The following MCTP2 variants were observed in gnomAD, a reference collection of about 807,000 sequenced individuals.
The protein encoded by MCTP2 is multiple C2 and transmembrane domain containing 2, also known as multiple C2 and transmembrane domain-containing protein 2.
Under a neutral mutation model 111.6 loss-of-function variants are expected in MCTP2, and 132 were observed. That is an observed-to-expected ratio of 1.18 (90% CI 1.03 to 1.37). MCTP2 has a LOEUF of 1.37. Among genes scored for constraint, MCTP2 ranks in the 40% most tolerant of loss-of-function variants. The pLI is 0.00. For synonymous variants in MCTP2, 395 were observed against 387.7 expected (o/e 1.02, Z -0.22); for missense variants, 1,183 against 1,067.9 (o/e 1.11, Z -1.50).
chr15:94,337,659 C>T (rs545001328), intron 4 of MCTP2, among the ~76,000 whole-genome samples: 17 of 136,606 alleles, frequency 1.2e-4, no homozygotes, highest in Admixed American at 8.5e-4. Flanking sequence ...AGAACTGGCC[C>T]GAACACGGTG....
chr15:94,461,024 T>TC (rs142742586), intron 20 of MCTP2, among the ~76,000 whole-genome samples: 1 of 151,580 alleles, frequency 6.6e-6, no homozygotes, highest in African/African-American at 2.4e-5. Context: ...TACTGATGGG[T>TC]TGGGGGGGAC....
chr15:94,464,936 A>G (rs961745853), intron 20 of MCTP2, among the ~76,000 whole-genome samples: 1 of 151,828 alleles, frequency 6.6e-6, no homozygotes, highest in Non-Finnish European at 1.5e-5. Context: ...CATTGGATAC[A>G]TTGTTCTCTA....
intron 17 of MCTP2, among the ~76,000 whole-genome samples, chr15:94,438,898 C>G (rs773937156): frequency 2.6e-5 from 4 of 151,910 alleles, no homozygotes; most frequent in Non-Finnish European, 4.4e-5. Flanking sequence ...TCCTTCTGAA[C>G]AGTTTAACAA....
rs1348510856 is a variant in MCTP2, at chr15:94,298,485, T to G, written c.220T>G (p.Ser74Ala). The G allele has an allele frequency of 1.9e-6, 3 of 1,614,088 alleles. No individual in the cohort carries two copies. Among genetic ancestry groups the G allele is most frequent in the Non-Finnish European group, 1.7e-6 (2 of 1,179,976 alleles). Reference protein sequence around the residue: ...EGRPYSGPQSSYTSVPSSLST... With the variant: ...EGRPYSGPQSAYTSVPSSLST... ...CCGGCCTTACTCCGGGCCACAGTCT[T>G]CCTACACCTCGGTGCCCAGCAGTCT... is the stretch of plus-strand genomic sequence containing the variant. The change falls in exon 2 of 23, where the codon TCC (serine) becomes GCC (alanine). Residue 74 changes from serine to alanine, a missense_variant. Transcript: ENST00000357742.
intron 2 of MCTP2, among the ~76,000 whole-genome samples, chr15:94,308,617 C>G (rs189344501): frequency 3.1e-4 from 47 of 152,344 alleles, no homozygotes; most frequent in African/African-American, 8.4e-4. Context: ...TTTAAAGTAT[C>G]TCCTGTTAAT....
chr15:94,461,768 T>G (rs76409523), intron 20 of MCTP2, among the ~76,000 whole-genome samples: 2,529 of 152,166 alleles, frequency 0.017, 32 homozygotes, highest in Middle Eastern at 0.034. Context: ...GCAGGTTAAG[T>G]GGTTGGAATC....
intron 14 of MCTP2, among the ~76,000 whole-genome samples, chr15:94,391,547 A>C (rs1300243740): frequency 2.0e-5 from 3 of 152,194 alleles, no homozygotes; most frequent in Admixed American, 2.0e-4. Flanking sequence ...GGGATGTATC[A>C]CCTGGGAAAT....
intron 17 of MCTP2, among the ~76,000 whole-genome samples, chr15:94,432,011 G>A (rs2083210924): frequency 6.6e-6 from 1 of 152,264 alleles, no homozygotes; most frequent in African/African-American, 2.4e-5. Context: ...ATCTTCTTTA[G>A]TACTTTTCAG....
At chr15:94,429,237 A>G (rs943537095) in intron 17 of MCTP2, among the ~76,000 whole-genome samples, 1 of 151,978 alleles carries the variant, frequency 6.6e-6, no homozygotes, top group African/African-American at 2.4e-5. Flanking sequence ...TTCCACCCTT[A>G]TCACTGATTC....
At chr15:94,464,244 A>ATATATATATAT (rs2085400519) in intron 20 of MCTP2, among the ~76,000 whole-genome samples, 1 of 60,426 alleles carries the variant, frequency 1.7e-5, no homozygotes, top group African/African-American at 6.7e-5. Flanking sequence ...TATATAATAT[A>ATATATATATAT]TATATATATA....
chr15:94,351,261 T>C (rs2078287852), intron 8 of MCTP2, among the ~76,000 whole-genome samples: 1 of 152,208 alleles, frequency 6.6e-6, no homozygotes, highest in Non-Finnish European at 1.5e-5. Flanking sequence ...CCTCTTCAGA[T>C]GATAGAGAGG....
At chr15:94,243,369 G>T (rs1215653471) in intron 1 of MCTP2, among the ~76,000 whole-genome samples, 1 of 137,146 alleles carries the variant, frequency 7.3e-6, no homozygotes, top group Admixed American at 7.3e-5. Context: ...GCGTATATGC[G>T]TATGTACATA....
chr15:94,294,059 C>G (rs763819938), intron 1 of MCTP2, among the ~76,000 whole-genome samples: 1 of 152,192 alleles, frequency 6.6e-6, no homozygotes, highest in Non-Finnish European at 1.5e-5. Flanking sequence ...CTGACATGTG[C>G]AGCAACTGGA....
At chr15:94,239,290 G>A (rs1299764389) in intron 1 of MCTP2, among the ~76,000 whole-genome samples, 1 of 152,114 alleles carries the variant, frequency 6.6e-6, no homozygotes, top group African/African-American at 2.4e-5. Flanking sequence ...TAGCTTCTTC[G>A]GTTTATAGTC....
chr15:94,303,353 G>A (rs973789554), intron 2 of MCTP2, among the ~76,000 whole-genome samples: 9 of 151,740 alleles, frequency 5.9e-5, no homozygotes, highest in Non-Finnish European at 1.0e-4. Flanking sequence ...GGGAGGCTAG[G>A]CCAGTCTGTT....
chr15:94,245,151 T>C (rs1475603145), intron 1 of MCTP2, among the ~76,000 whole-genome samples: 1 of 148,162 alleles, frequency 6.7e-6, no homozygotes, highest in East Asian at 2.1e-4. Context: ...TATACACACA[T>C]GTTTGTATAT....
chr15:94,370,091 T>C lies in MCTP2; in HGVS notation c.1493T>C (p.Leu498Ser). The change falls in exon 12 of 23, where the codon TTA becomes TCA. Residue 498 changes from leucine to serine, a missense_variant. Leu to Ser is a moderately radical substitution (Grantham distance 145). Coordinates refer to ENST00000357742, the MANE Select transcript of MCTP2 (RefSeq NM_001385001.1). ...TATCACCTTTTCAACCCTCAGTGCT[T>C]ACAGAACTCCCTGAAAGATGTGAAA... ...ERKQITQRYC[L>S]QNSLKDVKDV... 1 of 1,611,056 alleles carries C rather than the reference T, an allele frequency of 6.2e-7. No homozygotes were observed. Among genetic ancestry groups the C allele is most frequent in the Non-Finnish European group, 8.5e-7 (1 of 1,178,740 alleles).
chr15:94,440,157 T>C lies in MCTP2; in HGVS notation c.2086-19T>C. On this transcript the variant is annotated intron_variant, in intron 17 of 22. Transcript: ENST00000357742. Reference sequence around the variant, plus strand: ...TGTTTTATCAAGCAGTCGTGTATTCTTATTTGTCTTTCAATCAGGTATTTT... The same window carrying C: ...TGTTTTATCAAGCAGTCGTGTATTCCTATTTGTCTTTCAATCAGGTATTTT... 6.2e-7 allele frequency: 1 copy of C among 1,613,336 alleles called. No homozygotes were observed. The highest frequency in any genetic ancestry group is 8.5e-7 in the Non-Finnish European group (1 of 1,179,704).
intron 4 of MCTP2, among the ~76,000 whole-genome samples, chr15:94,318,974 C>T (rs1175000970): frequency 6.6e-6 from 1 of 150,862 alleles, no homozygotes; most frequent in Non-Finnish European, 1.5e-5. Context: ...AATAAGGAGT[C>T]TAGGTCATAA....
Sources: gnomAD v4.1 joint callset for allele counts (sites outside exome capture counted in the v4.1 genomes callset) on GRCh38, gnomAD v4.1.1 for gene constraint, MANE v1.5 for transcripts, NCBI Gene and HGNC (gene_info 2026-07-23, HGNC 2026-07-21) for gene names.